SPHKAP: variants seen among roughly 807,000 people sequenced by gnomAD.
SPHKAP encodes A-kinase anchor protein SPHKAP.
In SPHKAP, 67 loss-of-function variants were observed where a neutral mutation model predicts 137.5. That is an observed-to-expected ratio of 0.49 (90% confidence interval 0.40 to 0.60). The LOEUF is 0.60. Ranked by LOEUF, SPHKAP falls within the 20% of genes least tolerant of loss-of-function variation. SPHKAP has a pLI of 0.00. For synonymous variants in SPHKAP, 813 were observed against 785.3 expected, an observed-to-expected ratio of 1.04 and a Z score of -0.59; for missense variants, 2,097 against 2,069.3, an observed-to-expected ratio of 1.01 and a Z score of -0.26.
intron 3 of SPHKAP, among the ~76,000 whole-genome samples, chr2:228,104,150 C>T (rs764760039): frequency 6.0e-5 from 9 of 149,258 alleles, no homozygotes; most frequent in Non-Finnish European, 1.0e-4. Context: ...TCATAACTAT[C>T]TGCACTAGGT....
At chr2:228,144,276 ATTTAT>A (rs1320979049) in intron 1 of SPHKAP, among the ~76,000 whole-genome samples, 6 of 151,974 alleles carry the variant, frequency 3.9e-5, no homozygotes, top group Non-Finnish European at 8.8e-5. Flanking sequence ...TGTGTTTATT[ATTTAT>A]TTTATGTGCC....
intron 7 of SPHKAP, 131 bp downstream of exon 7, chr2:228,016,269 ATTTTTT>A: frequency 8.5e-7 from 1 of 1,178,464 alleles, no homozygotes; most frequent in Non-Finnish European, 1.1e-6. Flanking sequence ...TCATTAACTC[ATTTTTT>A]TTTTTTTTGG....
chr2:228,065,808 G>A (rs1298431131), intron 3 of SPHKAP, among the ~76,000 whole-genome samples: 1 of 152,182 alleles, frequency 6.6e-6, no homozygotes, highest in Non-Finnish European at 1.5e-5. Flanking sequence ...TTTTGGGTCT[G>A]TGGCAAGGCT....
intron 1 of SPHKAP, among the ~76,000 whole-genome samples, chr2:228,154,819 A>G (rs1412830795): frequency 6.7e-6 from 1 of 149,310 alleles, no homozygotes; most frequent in Non-Finnish European, 1.5e-5. Flanking sequence ...TCAGCCTCCC[A>G]AAGTGCTGGG....
chr2:228,092,292 C>CACACACACGTGTATGTGCGTGTATAT (rs1559168954), intron 3 of SPHKAP, among the ~76,000 whole-genome samples: 1 of 116,894 alleles, frequency 8.6e-6, no homozygotes, highest in East Asian at 3.1e-4. Context: ...TGCGTGTATA[C>CACACACACGTGTATGTGCGTGTATAT]GTGCACACAC....
intron 1 of SPHKAP, among the ~76,000 whole-genome samples, chr2:228,175,441 A>T: frequency 6.6e-6 from 1 of 152,164 alleles, no homozygotes; most frequent in East Asian, 1.9e-4. Context: ...TACTTGTAAA[A>T]ACCTCACACT....
intron 1 of SPHKAP, among the ~76,000 whole-genome samples, chr2:228,180,620 C>T (rs1700878009): frequency 6.6e-6 from 1 of 152,174 alleles, no homozygotes; most frequent in Non-Finnish European, 1.5e-5. Flanking sequence ...GGCTGCGCCG[C>T]AGCCAGGACA....
chr2:228,060,247 A>T (rs1696589794), intron 3 of SPHKAP, among the ~76,000 whole-genome samples: 1 of 152,170 alleles, frequency 6.6e-6, no homozygotes, highest in African/African-American at 2.4e-5. Flanking sequence ...TTTTGCTGGA[A>T]AAACTGTAAT....
intron 1 of SPHKAP, among the ~76,000 whole-genome samples, chr2:228,147,340 C>T (rs944751263): frequency 3.3e-5 from 5 of 152,012 alleles, no homozygotes; most frequent in Admixed American, 1.3e-4. Context: ...ACATATAAAC[C>T]GTGAGTGGAA....
chr2:228,061,795 A>G (rs529367946), intron 3 of SPHKAP, among the ~76,000 whole-genome samples: 10 of 151,976 alleles, frequency 6.6e-5, no homozygotes, highest in South Asian at 2.1e-4. Context: ...TGAAAACAAC[A>G]TTAGCTGTGG....
chr2:228,099,004 C>A (rs1307853594), intron 3 of SPHKAP, among the ~76,000 whole-genome samples: 1 of 152,028 alleles, frequency 6.6e-6, no homozygotes, highest in Non-Finnish European at 1.5e-5. Context: ...TGTTTATAGT[C>A]TCTTTTTCTG....
At position 228,018,933 on chromosome 2, in the gene SPHKAP, C is replaced by T. The variant is rs752179334; in HGVS notation, c.1921G>A (p.Asp641Asn). ...TCCATGATTCTCCTGTTCATGGAGT[C>T]CAGAAAGTCTCCAATGCTGCTGTAG... ...NTYSSIGDFL[D>N]SMNRRIMETA... Residue 641 changes from aspartate to asparagine, a missense_variant, in exon 7 of 12, where the codon GAC becomes AAC. Transcript: ENST00000392056. 29 of 1,613,988 alleles carry T rather than the reference C, an allele frequency of 1.8e-5. No homozygotes were observed. The highest frequency in any genetic ancestry group is 5.0e-5 in the Admixed American group (3 of 60,006).
intron 7 of SPHKAP, among the ~76,000 whole-genome samples, chr2:228,012,299 A>C (rs1694418167): frequency 6.6e-6 from 1 of 151,690 alleles, no homozygotes; most frequent in Non-Finnish European, 1.5e-5. Context: ...TCCTTTAAAA[A>C]AAAAGATCAG....
At chr2:227,987,564 A>T (rs1379417362) in intron 11 of SPHKAP, among the ~76,000 whole-genome samples, 1 of 152,218 alleles carries the variant, frequency 6.6e-6, no homozygotes, top group Non-Finnish European at 1.5e-5. Context: ...ATAATTAGAT[A>T]AAACACAAGT....
chr2:227,995,583 C>T lies in SPHKAP; in HGVS notation c.4560G>A (p.Trp1520Ter), dbSNP rs868281628. Reference protein sequence around the residue: ...PSSSEESTGSWTQLANEEDNP... With the variant: ...PSSSEESTGS ...TGTCTTCCTCATTGGCAAGCTGGGT[C>T]CAGCTGCCTGTGCTCTCCTCGCTGC... The change falls in exon 8 of 12, where the codon TGG becomes TGA. Residue 1520 changes from tryptophan to a stop codon, truncating the protein, a stop_gained. Coordinates refer to ENST00000392056, the MANE Select transcript of SPHKAP (RefSeq NM_001142644.2). LOFTEE classifies it high-confidence loss of function. 1 of 1,614,084 alleles carries T rather than the reference C, an allele frequency of 6.2e-7. No individual in the cohort carries two copies. The highest frequency in any genetic ancestry group is 8.5e-7 in the Non-Finnish European group (1 of 1,179,990).
intron 1 of SPHKAP, among the ~76,000 whole-genome samples, chr2:228,163,278 T>G (rs1700328883): frequency 6.6e-6 from 1 of 151,840 alleles, no homozygotes; most frequent in African/African-American, 2.4e-5. Flanking sequence ...TTAAGCCAAC[T>G]GAGTGGCATG....
At chr2:228,107,302 C>T (rs1698373140) in intron 3 of SPHKAP, among the ~76,000 whole-genome samples, 1 of 152,070 alleles carries the variant, frequency 6.6e-6, no homozygotes, top group Non-Finnish European at 1.5e-5. Context: ...ATGAGTTCAA[C>T]TTTTTTAATT....
rs371642332 is a variant in SPHKAP at position 228,154,481 on chromosome 2, ACTCT to A, written c.33-22400_33-22397del. Among the ~76,000 whole-genome samples the A allele has an allele frequency of 4.6e-3, 217 of 47,172 alleles. 8 individuals are homozygous for A. Among genetic ancestry groups the A allele is most frequent in the Middle Eastern group, 0.016 (1 of 64 alleles). The allele number at this position is 47,172 out of a possible 152,430, so 30.9% of individuals were successfully genotyped here. A position where few individuals can be genotyped will look rare whatever the true frequency, so the allele number is the denominator to read the frequency against. ...CTATTTTTGTACAATTTGTAAATAA[ACTCT>A]CTCTCTCTCTCTCTCTCTCTCTCTC... On this transcript the variant is annotated intron_variant, in intron 1 of 11. Transcript: ENST00000392056.
At chr2:228,091,762 A>T (rs1049305255) in intron 3 of SPHKAP, among the ~76,000 whole-genome samples, 20 of 152,174 alleles carry the variant, frequency 1.3e-4, no homozygotes, top group Admixed American at 1.3e-3. Context: ...CAAAAAATAA[A>T]AAAAAATAGA....
Sources: allele counts gnomAD v4.1 joint callset (sites outside exome capture counted in the v4.1 genomes callset), GRCh38; gene constraint gnomAD v4.1.1; transcripts MANE v1.5; gene names NCBI Gene and HGNC (gene_info 2026-07-23, HGNC 2026-07-21).